Variants in CACNA2D1 observed in about 807,000 individuals in gnomAD.
CACNA2D1 encodes voltage-dependent calcium channel subunit alpha-2/delta-1.
Under a neutral mutation model 171.5 loss-of-function variants are expected in CACNA2D1, and 53 were observed. The observed-to-expected ratio is 0.31, with a 90% CI of 0.25 to 0.39. The LOEUF is 0.39. Ranked by LOEUF, CACNA2D1 falls within the 10% of genes least tolerant of loss-of-function variation. The probability of loss-of-function intolerance (pLI) is 1.00; values close to 1 mark genes in which losing one functional copy is unlikely to be tolerated. For synonymous variants in CACNA2D1, 442 were observed against 443.1 expected (o/e 1.00, Z 0.03); for missense variants, 903 against 1,299.8 (o/e 0.69, Z 4.69).
chr7:82,207,453 A>G (rs1585100042), intron 3 of CACNA2D1, among the ~76,000 whole-genome samples: 1 of 152,182 alleles, frequency 6.6e-6, no homozygotes, highest in East Asian at 1.9e-4. Context: ...GCCATCCAAA[A>G]ATTATAACAT....
In CACNA2D1 at chr7:82,202,838, C is replaced by CT. The variant is rs112549483; in HGVS notation, c.295-32230dup. Among the ~76,000 whole-genome samples the CT allele has an allele frequency of 5.9e-3, 890 of 151,930 alleles. 8 individuals are homozygous for CT. Among genetic ancestry groups the CT allele is most frequent in the Non-Finnish European group, 6.9e-3 (470 of 67,960 alleles). Reference sequence around the variant, plus strand: ...TGTAAAGACGGGGAAAATGCGCCACCTCAGAGGTCCTCCCAGAGGAGAAAA... The same window carrying CT: ...TGTAAAGACGGGGAAAATGCGCCACCTTCAGAGGTCCTCCCAGAGGAGAAAA... On this transcript the variant is annotated intron_variant, in intron 3 of 38. Coordinates refer to ENST00000356860, the MANE Select transcript of CACNA2D1 (RefSeq NM_000722.4).
intron 7 of CACNA2D1, among the ~76,000 whole-genome samples, chr7:82,081,993 C>A (rs769749730): frequency 2.6e-5 from 4 of 152,194 alleles, no homozygotes; most frequent in South Asian, 4.1e-4. Context: ...ACCTCAAATG[C>A]GGAAACGTGG....
At chr7:81,998,214 G>C (rs1798245707) in intron 18 of CACNA2D1, among the ~76,000 whole-genome samples, 1 of 151,676 alleles carries the variant, frequency 6.6e-6, no homozygotes, top group Non-Finnish European at 1.5e-5. Context: ...ATCATAATAG[G>C]TATATGTAAT....
chr7:82,255,909 T>G (rs1207945745), intron 3 of CACNA2D1, among the ~76,000 whole-genome samples: 2 of 152,312 alleles, frequency 1.3e-5, no homozygotes, highest in South Asian at 2.1e-4. Context: ...GGATCATGTT[T>G]CCACCTTCCA....
At chr7:81,969,344 G>A (rs79012934) in intron 28 of CACNA2D1, among the ~76,000 whole-genome samples, 13,481 of 151,356 alleles carry the variant, frequency 0.089, 630 homozygotes, top group Middle Eastern at 0.21. Flanking sequence ...TTTATAAGAC[G>A]TATGTCACTG....
intron 3 of CACNA2D1, among the ~76,000 whole-genome samples, chr7:82,224,515 G>A (rs1215245722): frequency 3.3e-5 from 5 of 152,132 alleles, no homozygotes; most frequent in South Asian, 2.1e-4. Flanking sequence ...CCCAGGAGGC[G>A]GGGGTTGCAG....
At chr7:82,363,395 G>A (rs1295958302) in intron 1 of CACNA2D1, among the ~76,000 whole-genome samples, 1 of 150,198 alleles carries the variant, frequency 6.7e-6, no homozygotes. Flanking sequence ...CTCCCCAGTA[G>A]CTGGGACTAC....
chr7:82,083,735 A>C (rs2129009980), intron 7 of CACNA2D1, among the ~76,000 whole-genome samples: 1 of 152,266 alleles, frequency 6.6e-6, no homozygotes, highest in African/African-American at 2.4e-5. Context: ...ACCCTGCAGA[A>C]GTTATATGGT....
intron 4 of CACNA2D1, among the ~76,000 whole-genome samples, chr7:82,160,567 G>A (rs1041920023): frequency 9.9e-5 from 15 of 152,126 alleles, no homozygotes; most frequent in African/African-American, 3.4e-4. Flanking sequence ...CTGGAGTGCT[G>A]TAGCACAATC....
chr7:82,261,621 T>A (rs1416038688), intron 3 of CACNA2D1, among the ~76,000 whole-genome samples: 1 of 152,204 alleles, frequency 6.6e-6, no homozygotes, highest in Non-Finnish European at 1.5e-5. Context: ...TAATCTAGGA[T>A]AAGCAATCGT....
intron 24 of CACNA2D1, 63 bp from the exon 25 acceptor site, chr7:81,974,615 GTAGTGA>G: frequency 2.3e-6 from 2 of 860,548 alleles, no homozygotes; most frequent in Non-Finnish European, 3.7e-6. Context: ...GTAATTAAAG[GTAGTGA>G]AAACACTATT....
chr7:82,167,443 C>CA (rs879698051), intron 4 of CACNA2D1, among the ~76,000 whole-genome samples: 22 of 149,146 alleles, frequency 1.5e-4, no homozygotes, highest in South Asian at 4.3e-4. Context: ...TTATTAGGAA[C>CA]AAAAAAAAAG....
intron 3 of CACNA2D1, among the ~76,000 whole-genome samples, chr7:82,333,049 C>G (rs1327513294): frequency 6.6e-6 from 1 of 151,872 alleles, no homozygotes; most frequent in Non-Finnish European, 1.5e-5. Flanking sequence ...AGCATTATAT[C>G]TAACAAAAGA....
intron 27 of CACNA2D1, 67 bp from the exon 28 acceptor site, chr7:81,970,051 G>T: frequency 1.1e-6 from 1 of 943,624 alleles, no homozygotes; most frequent in Non-Finnish European, 1.7e-6. Context: ...ATCCTATGTG[G>T]ACTTGCTGAG....
At chr7:82,180,602 C>A (rs1466522699) in intron 3 of CACNA2D1, among the ~76,000 whole-genome samples, 1 of 152,026 alleles carries the variant, frequency 6.6e-6, no homozygotes. Flanking sequence ...TTGAGAGTGG[C>A]CAGAAAGCAA....
At position 82,379,225 on chromosome 7, in the gene CACNA2D1, T is replaced by TCC. The variant is rs575945498; in HGVS notation, c.96-29577_96-29576insGG. On this transcript the variant is annotated intron_variant, in intron 1 of 38. Transcript: ENST00000356860. ...ATAGTTCATTTGTAAGCTTTAAAAA[T>TCC]TACAGATTGTCTGATGCAACTCCAT... is the stretch of plus-strand genomic sequence containing the variant. Among the ~76,000 whole-genome samples, 966 of 152,196 alleles carry TCC rather than the reference T, an allele frequency of 6.3e-3. 11 individuals are homozygous for TCC. Among genetic ancestry groups the TCC allele is most frequent in the African/African-American group, 0.022 (897 of 41,522 alleles).
chr7:82,259,844 T>C (rs1806846475), intron 3 of CACNA2D1, among the ~76,000 whole-genome samples: 1 of 152,246 alleles, frequency 6.6e-6, no homozygotes, highest in South Asian at 2.1e-4. Flanking sequence ...ACTTAACCTC[T>C]GTTTTGTTTT....
chr7:82,253,217 T>C (rs1396686627), intron 3 of CACNA2D1, among the ~76,000 whole-genome samples: 1 of 152,136 alleles, frequency 6.6e-6, no homozygotes, highest in Non-Finnish European at 1.5e-5. Context: ...ATAGAAAAAG[T>C]GATAAGTTTT....
intron 1 of CACNA2D1, among the ~76,000 whole-genome samples, chr7:82,360,851 T>C (rs1339319186): frequency 6.6e-6 from 1 of 152,176 alleles, no homozygotes. Flanking sequence ...ACAGGGTTTA[T>C]TTAACAATCA....
Sources: gnomAD v4.1 joint callset for allele counts (sites outside exome capture counted in the v4.1 genomes callset) on GRCh38, gnomAD v4.1.1 for gene constraint, MANE v1.5 for transcripts, NCBI Gene and HGNC (gene_info 2026-07-23, HGNC 2026-07-21) for gene names.